The following CEP170B variants were observed in gnomAD, a reference collection of about 807,000 sequenced individuals.
CEP170B encodes centrosomal protein of 170 kDa protein B.
CEP170B carries 55 observed loss-of-function variants against 120.6 expected under a neutral mutation model. The ratio of observed to expected loss-of-function variants is 0.46; its 90% confidence interval spans 0.37 to 0.57. CEP170B has a LOEUF of 0.57. CEP170B is among the 20% of genes least tolerant of loss of function. The probability of loss-of-function intolerance (pLI) is 0.00; values close to 1 mark genes in which losing one functional copy is unlikely to be tolerated. For missense variants in CEP170B, 2,212 were observed against 2,253.3 expected, an observed-to-expected ratio of 0.98 and a Z score of 0.37; for synonymous variants, 1,033 against 954.5, an observed-to-expected ratio of 1.08 and a Z score of -1.52.
At chr14:104,872,892 C>G (rs1314098338) in intron 2 of CEP170B, among the ~76,000 whole-genome samples, 3 of 152,248 alleles carry the variant, frequency 2.0e-5, no homozygotes, top group Non-Finnish European at 4.4e-5. Context: ...TTATTAGACA[C>G]TTTCCCCAAA....
chr14:104,886,330 G>T lies in CEP170B; in HGVS notation c.2091G>T (p.Met697Ile). The change falls in exon 12 of 19, where the codon ATG becomes ATT. Residue 697 changes from methionine to isoleucine, a missense_variant. Around this residue, in one of 2 missense-constraint regions of CEP170B, gnomAD observed 2,166 missense variants for 2,166.7 expected, o/e 1.00. Coordinates refer to ENST00000414716, the MANE Select transcript of CEP170B (RefSeq NM_001112726.3). Reference sequence around the variant, plus strand: ...CGGAGGGGTCCCTGCCTGTGCGCATGCGGCGACGGCTCCCTCAGCTGCCCA... The same window carrying T: ...CGGAGGGGTCCCTGCCTGTGCGCATTCGGCGACGGCTCCCTCAGCTGCCCA... ...GEPEGSLPVR[M>I]RRRLPQLPSE... The T allele has an allele frequency of 6.4e-7, 1 of 1,557,036 alleles. No homozygotes were observed.
intron 12 of CEP170B, among the ~76,000 whole-genome samples, chr14:104,888,296 C>T (rs1042468398): frequency 6.6e-6 from 1 of 152,236 alleles, no homozygotes. Flanking sequence ...TTCCTGTACT[C>T]CTGGCTCAGG....
chr14:104,883,558 G>C (rs760551794), intron 8 of CEP170B, 50 bp downstream of exon 8: 1 of 1,483,824 alleles, frequency 6.7e-7, no homozygotes, highest in South Asian at 1.3e-5. Flanking sequence ...GCAGGGGACC[G>C]GACTTTGGCT....
intron 6 of CEP170B, among the ~76,000 whole-genome samples, chr14:104,881,421 G>A (rs1223987684): frequency 1.3e-5 from 2 of 152,210 alleles, no homozygotes; most frequent in East Asian, 3.8e-4. Flanking sequence ...TTGGCCCCAT[G>A]TCTGCTGTGT....
At chr14:104,882,288 C>A (rs1231317458) in intron 6 of CEP170B, among the ~76,000 whole-genome samples, 2 of 152,236 alleles carry the variant, frequency 1.3e-5, no homozygotes, top group Non-Finnish European at 2.9e-5. Flanking sequence ...CATTTACCAG[C>A]CTTGGAGGTG....
chr14:104,893,042 C>T lies in CEP170B; in HGVS notation c.3945C>T (p.Asp1315=), dbSNP rs763901875. ...LAQEIHDVAG[D]GDTLGSSEPA... The stretch of plus-strand genomic sequence containing the variant: ...AGGAGATCCACGATGTGGCTGGGGA[C>T]GGTGACACACTGGGCTCCTCGGAGC... The change falls in exon 14 of 19, where the codon GAC becomes GAT. Residue 1315 remains aspartate, a synonymous_variant. Coordinates refer to ENST00000414716, the MANE Select transcript of CEP170B (RefSeq NM_001112726.3). The T allele has an allele frequency of 2.6e-5, 42 of 1,593,152 alleles. No individual in the cohort carries two copies. In the East Asian group the frequency reaches 4.4e-4, roughly 17 times the overall value.
intron 2 of CEP170B, among the ~76,000 whole-genome samples, chr14:104,875,880 G>A (rs1160849999): frequency 3.3e-5 from 5 of 152,218 alleles, no homozygotes; most frequent in African/African-American, 1.2e-4. Flanking sequence ...CTGTGGGGCT[G>A]GGCCAGGAGT....
rs1566876479 is a variant in CEP170B, at chr14:104,894,289, C to T, written c.4276C>T (p.Leu1426Phe). Reference protein sequence around the residue: ...TEHLAEKMKILFQNTGRAWED... With the variant: ...TEHLAEKMKIFFQNTGRAWED... ...GCCTCCCCCTACCTCGGACAGGATC[C>T]TCTTTCAGAACACAGGGAGAGCTTG... The change falls in exon 17 of 19, where the codon CTC (leucine) becomes TTC (phenylalanine). Residue 1426 changes from leucine to phenylalanine, a missense_variant. Physicochemically the swap from Leu to Phe is conservative, Grantham distance 22. Transcript: ENST00000414716. The T allele has an allele frequency of 6.2e-7, 1 of 1,613,134 alleles. No homozygotes were observed. Among genetic ancestry groups the T allele is most frequent in the South Asian group, 1.1e-5 (1 of 91,082 alleles).
At chr14:104,892,054 TTCCTTGG>T (rs1896875497) in intron 13 of CEP170B, among the ~76,000 whole-genome samples, 1 of 152,084 alleles carries the variant, frequency 6.6e-6, no homozygotes, top group Admixed American at 6.5e-5. Flanking sequence ...GGGTGGTCTG[TTCCTTGG>T]GTGACTGCCA....
chr14:104,882,735 C>T lies in CEP170B; in HGVS notation c.480C>T (p.Ala160=). 6.2e-7 allele frequency: 1 copy of T among 1,611,690 alleles called. No homozygotes were observed. Among genetic ancestry groups the T allele is most frequent in the Non-Finnish European group, 8.5e-7 (1 of 1,179,328 alleles). Residue 160 remains alanine (A), a synonymous_variant, in exon 7 of 19, where the codon GCC becomes GCT. Transcript: ENST00000414716. The part of the protein sequence containing the change: ...KGDRRPGTEA[A]SYRTPLYGQP... ...CTCTCGCTCCCTCCACAGAGGCAGC[C>T]TCTTACCGCACACCCCTGTATGGGC...
At chr14:104,889,469 G>A (rs1156350239) in intron 12 of CEP170B, 151 bp from the exon 13 acceptor site, 1 of 1,515,220 alleles carries the variant, frequency 6.6e-7, no homozygotes, top group Non-Finnish European at 8.8e-7. Flanking sequence ...GGTGCTGAGT[G>A]CTGCTTTGTT....
chr14:104,895,052 C>G lies in CEP170B; in HGVS notation c.*94C>G. The G allele has an allele frequency of 7.3e-7, 1 of 1,369,970 alleles. No individual in the cohort carries two copies. The highest frequency in any genetic ancestry group is 9.7e-7 in the Non-Finnish European group (1 of 1,027,460). The allele number at this position is 1,369,970 out of a possible 1,614,324, so 84.9% of individuals were successfully genotyped here. On this transcript the variant is annotated 3_prime_UTR_variant, in exon 19 of 19. Coordinates refer to ENST00000414716, the MANE Select transcript of CEP170B (RefSeq NM_001112726.3). ...CCTGCCTGGCCGCAGGTGGTTCTCCCTGAAGACCCCCACATGTGCCATATC... is the reference window on the plus strand; with the variant it reads ...CCTGCCTGGCCGCAGGTGGTTCTCCGTGAAGACCCCCACATGTGCCATATC...
chr14:104,884,212 G>C lies in CEP170B; in HGVS notation c.1433G>C (p.Ser478Thr), dbSNP rs1444513899. The change falls in exon 9 of 19, where the codon AGC (serine) becomes ACC (threonine). Residue 478 changes from serine (S) to threonine (T), a missense_variant. This residue lies in a region of CEP170B where 2,166 missense variants were observed against 2,166.7 expected (regional missense o/e 1.00). Coordinates refer to ENST00000414716, the MANE Select transcript of CEP170B (RefSeq NM_001112726.3). ...KREKTEERLG[S>T]PSPASRTPAR... ...GAGAAGACAGAGGAACGGCTGGGCA[G>C]CCCCTCGCCCGCCTCCCGAACCCCT... The C allele has an allele frequency of 6.5e-7, 1 of 1,542,868 alleles. No homozygotes were observed.
At chr14:104,890,876 A>G (rs1178569512) in intron 13 of CEP170B, among the ~76,000 whole-genome samples, 106 of 62,634 alleles carry the variant, frequency 1.7e-3, no homozygotes, top group Non-Finnish European at 1.8e-3. Flanking sequence ...TGGATGGATG[A>G]ATGGATGAGT....
chr14:104,880,391 C>A lies in CEP170B; in HGVS notation c.438C>A (p.Pro146=), dbSNP rs774428408. 1 of 1,612,676 alleles carries A rather than the reference C, an allele frequency of 6.2e-7. No individual in the cohort carries two copies. The highest frequency in any genetic ancestry group is 8.5e-7 in the Non-Finnish European group (1 of 1,179,662). The change falls in exon 6 of 19, where the codon CCC becomes CCA. Residue 146 remains proline, a synonymous_variant. Transcript: ENST00000414716. ...CACCATACTGCGAGGCCTCGAACCCCAGGCCGGAGAAGGGGGACCGGAGAC... is the reference window on the plus strand; with the variant it reads ...CACCATACTGCGAGGCCTCGAACCCAAGGCCGGAGAAGGGGGACCGGAGAC... ...EHTPYCEASN[P]RPEKGDRRPG... is the part of the protein sequence containing the mutation.
In CEP170B at chr14:104,868,447, C is replaced by T. The variant is rs531918050; in HGVS notation, c.-4C>T. The T allele has an allele frequency of 2.4e-4, 365 of 1,548,432 alleles. No homozygotes were observed. The highest frequency in any genetic ancestry group is 3.1e-4 in the Non-Finnish European group (351 of 1,146,852). ...AGGGCCAGACGGGCCCAGCCAGCAC[C>T]AAGATGAGTGCCACGTCCTGGTTCC... On this transcript the variant is annotated 5_prime_UTR_variant, in exon 2 of 19. Transcript: ENST00000414716. The surrounding 1 kb of genome is among the most constrained non-coding windows in gnomAD (Gnocchi z 5.9).
In CEP170B at chr14:104,894,867, C is replaced by T; in HGVS notation, c.4574C>T (p.Pro1525Leu). The T allele has an allele frequency of 6.2e-7, 1 of 1,608,658 alleles. No individual in the cohort carries two copies. The highest frequency in any genetic ancestry group is 8.5e-7 in the Non-Finnish European group (1 of 1,178,178). Reference protein sequence around the residue: ...ASAEALLPALPLRNFPQRASC... With the variant: ...ASAEALLPALLLRNFPQRASC... ...GCCGAGGCCCTGCTGCCAGCCCTGC[C>T]CCTGAGGAATTTCCCACAGCGGGCC... Residue 1525 changes from proline to leucine, a missense_variant, in exon 19 of 19, where the codon CCC (proline) becomes CTC (leucine). Physicochemically the swap from Pro to Leu is moderately conservative, Grantham distance 98. Transcript: ENST00000414716.
Position 104,868,305 on chromosome 14 carries a change from C to A in CEP170B, c.-27-119C>A. The A allele has an allele frequency of 1.4e-6, 1 of 707,180 alleles. No individual in the cohort carries two copies. 43.8% of individuals were successfully genotyped at this position (707,180 alleles called of 1,614,324 possible). On this transcript the variant is annotated intron_variant, in intron 1 of 18. Coordinates refer to ENST00000414716, the MANE Select transcript of CEP170B (RefSeq NM_001112726.3). This position sits in a 1 kb window ranked among gnomAD's most constrained non-coding sequence, Gnocchi z 5.9. ...GTGGCCTGATGAGGCTGGAGCCCAG[C>A]TTCTCCGGAAGCTGCCAGCTTCCCT...
Position 104,883,798 on chromosome 14 carries a change from GCCTGACAAGGTGGGGTC to G in CEP170B, c.1052-30_1052-14del, listed in dbSNP as rs1329741097. On this transcript the variant is annotated splice_polypyrimidine_tract_variant and intron_variant, in intron 8 of 18. Coordinates refer to ENST00000414716, the MANE Select transcript of CEP170B (RefSeq NM_001112726.3). ...ATCGACAGCTGTTTCCTTTCTCTCG[GCCTGACAAGGTGGGGTC>G]CCCTGTCTCCCCCAGGCCACAAGCA... The G allele has an allele frequency of 4.7e-6, 7 of 1,494,022 alleles. No individual in the cohort carries two copies. The African/African-American group carries it at 9.9e-5, about 21-fold the overall frequency. The allele number at this position is 1,494,022 out of a possible 1,614,324, so 92.5% of individuals were successfully genotyped here.
Sources: allele counts gnomAD v4.1 joint callset (sites outside exome capture counted in the v4.1 genomes callset), GRCh38; gene constraint gnomAD v4.1.1; regional missense constraint gnomAD v4.1.1; non-coding constraint Gnocchi (gnomAD v3.1); transcripts MANE v1.5; gene names NCBI Gene and HGNC (gene_info 2026-07-23, HGNC 2026-07-21).